Variants in ZDHHC24 observed in about 807,000 individuals in gnomAD.
ZDHHC24 encodes probable palmitoyltransferase ZDHHC24.
Under a neutral mutation model 23.2 loss-of-function variants are expected in ZDHHC24, and 17 were observed. The observed-to-expected ratio is 0.73, with a 90% confidence interval of 0.50 to 1.10. The LOEUF is 1.10. Ranked by LOEUF, ZDHHC24 falls within the 50% of genes least tolerant of loss-of-function variation. The probability of loss-of-function intolerance (pLI) is 0.00; values close to 1 mark genes in which losing one functional copy is unlikely to be tolerated. For missense variants in ZDHHC24, 366 were observed against 393.0 expected (o/e 0.93, Z 0.58); for synonymous variants, 186 against 194.5 (o/e 0.96, Z 0.36).
Position 66,543,873 on chromosome 11 carries a change from G to A in ZDHHC24, c.390C>T (p.Cys130=), listed in dbSNP as rs141416353. 2.4e-5 allele frequency: 39 copies of A among 1,613,786 alleles called. No homozygotes were observed. Among genetic ancestry groups the A allele is most frequent in the Middle Eastern group, 3.3e-4 (2 of 6,074 alleles). The change falls in exon 2 of 3, where the codon TGC becomes TGT. Residue 130 remains cysteine, a synonymous_variant. Coordinates refer to ENST00000310442, the MANE Select transcript of ZDHHC24 (RefSeq NM_207340.3). ...AGGGCCGGTAGTTGCCGAAGCCCAC[G>A]CAGCGGCCCAGCAGGCGGCAGTGGT... ...RDHHCRLLGR[C]VGFGNYRPFL... is the part of the protein sequence containing the mutation.
chr11:66,539,095 G>T lies in ZDHHC24; in HGVS notation c.*434C>A. On this transcript the variant is annotated 3_prime_UTR_variant, in exon 3 of 3. Transcript: ENST00000310442. ...GCCTGGATCAGTAGGACACTGCCTT[G>T]GCGTGCTGGTGCCCCACCCCCAACT... The T allele has an allele frequency of 3.8e-6, 1 of 263,830 alleles. No homozygotes were observed. The highest frequency in any genetic ancestry group is 6.0e-6 in the Non-Finnish European group (1 of 168,058). 16.3% of individuals were successfully genotyped at this position (263,830 alleles called of 1,614,324 possible). A position where few individuals can be genotyped will look rare whatever the true frequency, so the allele number is the denominator to read the frequency against.
intron 2 of ZDHHC24, among the ~76,000 whole-genome samples, chr11:66,542,181 T>C (rs1256164947): frequency 1.3e-5 from 2 of 152,052 alleles, no homozygotes; most frequent in African/African-American, 4.8e-5. Flanking sequence ...TTTGAGCTGC[T>C]GTTGCTGGGA....
In ZDHHC24 at chr11:66,543,592, C is replaced by T. The variant is rs1029296531; in HGVS notation, c.559+112G>A. The T allele has an allele frequency of 4.4e-6, 6 of 1,372,886 alleles. No homozygotes were observed. The Admixed American group carries it at 1.4e-4, about 32-fold the overall frequency. 85.0% of individuals were successfully genotyped at this position (1,372,886 alleles called of 1,614,324 possible). On this transcript the variant is annotated intron_variant, in intron 2 of 2. Transcript: ENST00000310442. ...CTGCCCTTACTGGCCATCACTGACA[C>T]TGGGGCTGGGTCCCCCAGGCCAGAA...
Position 66,535,934 on chromosome 11 carries a change from A to AG in ZDHHC24, c.*3594dup, listed in dbSNP as rs1856951331. 1 of 152,256 alleles carries AG rather than the reference A, an allele frequency of 6.6e-6. No individual in the cohort carries two copies. Among genetic ancestry groups the AG allele is most frequent in the Non-Finnish European group, 1.5e-5 (1 of 68,048 alleles). The allele number at this position is 152,256 out of a possible 1,614,324, so 9.4% of individuals were successfully genotyped here. ...ATTATTGTATTTTCAATGGATCACTAGGCAGCAGGGAAAAGGAATGCCATA... is the reference window on the plus strand; with the variant it reads ...ATTATTGTATTTTCAATGGATCACTAGGGCAGCAGGGAAAAGGAATGCCATA... On this transcript the variant is annotated 3_prime_UTR_variant, in exon 3 of 3. Transcript: ENST00000310442.
intron 2 of ZDHHC24, chr11:66,542,740 CTG>C (rs2134887831): frequency 6.5e-6 from 1 of 153,150 alleles, no homozygotes; most frequent in African/African-American, 2.4e-5. Flanking sequence ...AAGAGAGAGT[CTG>C]TGACTGGAGC....
downstream of ZDHHC24, chr11:66,531,865 C>T: frequency 6.3e-7 from 1 of 1,593,702 alleles, no homozygotes; most frequent in African/African-American, 1.3e-5. Flanking sequence ...CACAGTGGAG[C>T]CCTGTGGCCT....
At chr11:66,534,373 G>A (rs929484735), downstream of ZDHHC24, among the ~76,000 whole-genome samples, 2 of 148,380 alleles carry the variant, frequency 1.3e-5, no homozygotes, top group Non-Finnish European at 3.0e-5. Flanking sequence ...AAACAGGAAG[G>A]TGGAGGTTGT....
Position 66,543,756 on chromosome 11 carries a change from CG to C in ZDHHC24, c.506del (p.Thr169SerfsTer31). On this transcript the variant is annotated frameshift_variant, in exon 2 of 3. Transcript: ENST00000310442. LOFTEE classifies it high-confidence loss of function. ...PALSALLRAH[T>X]PLHMAALLLL... The stretch of plus-strand genomic sequence containing the variant: ...GGAGGAGGGCAGCCATGTGGAGGGG[CG>C]TGTGGGCTCGCAGCAGGGCCGACAG... 1 of 1,606,168 alleles carries C rather than the reference CG, an allele frequency of 6.2e-7. No homozygotes were observed. Among genetic ancestry groups the C allele is most frequent in the Non-Finnish European group, 8.5e-7 (1 of 1,176,456 alleles).
chr11:66,527,295 C>T (rs1452390532), intron 3 of ZDHHC24, among the ~76,000 whole-genome samples: 1 of 151,890 alleles, frequency 6.6e-6, no homozygotes, highest in Non-Finnish European at 1.5e-5. Flanking sequence ...TTTATTTGTT[C>T]ATTCATTCAT....
chr11:66,539,849 C>A, intron 2 of ZDHHC24, 25 bp from the exon 3 acceptor site: 1 of 1,547,794 alleles, frequency 6.5e-7, no homozygotes, highest in South Asian at 1.2e-5. Flanking sequence ...CAGAGAGGGT[C>A]AGGGAGGGGC....
chr11:66,527,083 AAGT>A, intron 3 of ZDHHC24: 1 of 1,482,022 alleles, frequency 6.7e-7, no homozygotes. Flanking sequence ...CTCATGAGGA[AAGT>A]AGAATTTTGA....
At chr11:66,543,625 C>T (rs990361479) in intron 2 of ZDHHC24, 79 bp downstream of exon 2, 1 of 1,454,956 alleles carries the variant, frequency 6.9e-7, no homozygotes, top group Admixed American at 2.7e-5. Context: ...GAAAGCCCGT[C>T]TCCCACCAGA....
intron 2 of ZDHHC24, among the ~76,000 whole-genome samples, chr11:66,543,126 C>T (rs1219380340): frequency 6.6e-6 from 1 of 152,144 alleles, no homozygotes; most frequent in Non-Finnish European, 1.5e-5. Context: ...ACCAGCGAGG[C>T]TTCTATCTGT....
rs781493841 is a variant in ZDHHC24 at position 66,543,772 on chromosome 11, A to T, written c.491T>A (p.Leu164Gln). 6.2e-7 allele frequency: 1 copy of T among 1,610,296 alleles called. No individual in the cohort carries two copies. The highest frequency in any genetic ancestry group is 8.5e-7 in the Non-Finnish European group (1 of 1,178,284). ...GTGGAGGGGCGTGTGGGCTCGCAGC[A>T]GGGCCGACAGTGCAGGGCCCAGCAG... ...SVLLGPALSA[L>Q]LRAHTPLHMA... is the part of the protein sequence containing the mutation. The change falls in exon 2 of 3, where the codon CTG becomes CAG. Residue 164 changes from leucine to glutamine, a missense_variant. Physicochemically the swap from Leu to Gln is moderately radical, Grantham distance 113 (BLOSUM62 -2). Coordinates refer to ENST00000310442, the MANE Select transcript of ZDHHC24 (RefSeq NM_207340.3).
chr11:66,530,100 C>T (rs949249738), intron 2 of ZDHHC24: 23 of 1,174,102 alleles, frequency 2.0e-5, no homozygotes, highest in Middle Eastern at 2.4e-4. Context: ...ACCTGGGGAC[C>T]GAGTCTCATG....
At chr11:66,534,749 G>A (rs923256852), downstream of ZDHHC24, among the ~76,000 whole-genome samples, 1 of 152,128 alleles carries the variant, frequency 6.6e-6, no homozygotes, top group African/African-American at 2.4e-5. Context: ...AGGCTGGAGT[G>A]CAGTGGCGCG....
downstream of ZDHHC24, chr11:66,531,752 G>A (rs200276861): frequency 1.6e-3 from 2,593 of 1,613,982 alleles, 42 homozygotes; most frequent in South Asian, 0.026. Flanking sequence ...GGTAGGCCCC[G>A]CACTTGTACC....
intron 4 of ZDHHC24, among the ~76,000 whole-genome samples, chr11:66,524,710 A>G (rs1183298191): frequency 6.6e-6 from 1 of 152,222 alleles, no homozygotes; most frequent in Non-Finnish European, 1.5e-5. Flanking sequence ...GTGAATCATT[A>G]AATCAGTTTA....
At position 66,525,869 on chromosome 11, in the gene ZDHHC24, A is replaced by G. The variant is rs1856466820; in HGVS notation, c.*21+1067T>C. 3.9e-5 allele frequency among the ~76,000 whole-genome samples: 6 copies of G among 152,136 alleles called. No individual in the cohort carries two copies. The South Asian group carries it at 1.2e-3, about 32-fold the overall frequency. ...TGTGAAGGGCAGACTGGGGAGAAAG[A>G]CCCGAAAGACGAGTCTGGGAGATCT... On this transcript the variant is annotated intron_variant, in intron 4 of 4. Transcript: ENST00000526986.
Sources: gnomAD v4.1 joint callset for allele counts (sites outside exome capture counted in the v4.1 genomes callset) on GRCh38, gnomAD v4.1.1 for gene constraint, MANE v1.5 for transcripts, NCBI Gene and HGNC (gene_info 2026-07-23, HGNC 2026-07-21) for gene names.